RCAN1: variants seen among roughly 807,000 people sequenced by gnomAD.
RCAN1 encodes the protein regulator of calcineurin 1, also known as calcipressin-1.
RCAN1 carries 11 observed loss-of-function variants against 22.9 expected under a neutral mutation model. The observed-to-expected ratio is 0.48, with a 90% CI of 0.30 to 0.79. The LOEUF (loss-of-function observed/expected upper bound fraction) is 0.79. Among genes scored for constraint, RCAN1 ranks in the 30% least tolerant of loss-of-function variants. The pLI is 0.06. For missense variants in RCAN1, 291 were observed against 337.8 expected, an observed-to-expected ratio of 0.86 and a Z score of 1.09; for synonymous variants, 136 against 142.3, an observed-to-expected ratio of 0.96 and a Z score of 0.32.
intron 1 of RCAN1, among the ~76,000 whole-genome samples, chr21:34,609,870 A>T (rs8130856): frequency 0.11 from 17,348 of 152,204 alleles, 1,294 homozygotes; most frequent in East Asian, 0.29. Flanking sequence ...AAATAGTGGA[A>T]AACTGAAAAT....
In RCAN1 at chr21:34,518,342, T is replaced by G; in HGVS notation, c.587-86A>C. ...CATAAAAGAGCATTCAGGGCTCTGC[T>G]GGGCCAGCTGCTCGTGACCATTCGA... On this transcript the variant is annotated intron_variant, in intron 3 of 3. Transcript: ENST00000313806. This position sits in a 1 kb window ranked among gnomAD's most constrained non-coding sequence, Gnocchi z 4.2. 7.1e-7 allele frequency: 1 copy of G among 1,416,920 alleles called. No homozygotes were observed. The highest frequency in any genetic ancestry group is 9.6e-7 in the Non-Finnish European group (1 of 1,041,222). 87.8% of individuals were successfully genotyped at this position (1,416,920 alleles called of 1,614,324 possible).
chr21:34,610,489 C>T (rs1411150186), intron 1 of RCAN1, among the ~76,000 whole-genome samples: 1 of 152,156 alleles, frequency 6.6e-6, no homozygotes, highest in South Asian at 2.1e-4. Flanking sequence ...GGGCCTGGCT[C>T]CCGGTTCAGG....
Position 34,615,108 on chromosome 21 carries a change from G to T in RCAN1, c.-97C>A. The T allele has an allele frequency of 1.0e-6, 1 of 968,402 alleles. No individual in the cohort carries two copies. Among genetic ancestry groups the T allele is most frequent in the Non-Finnish European group, 1.2e-6 (1 of 812,634 alleles). The allele number at this position is 968,402 out of a possible 1,614,324, so 60.0% of individuals were successfully genotyped here. A position where few individuals can be genotyped will look rare whatever the true frequency, so the allele number is the denominator to read the frequency against. On this transcript the variant is annotated 5_prime_UTR_variant, in exon 1 of 4. Coordinates refer to ENST00000313806, the MANE Select transcript of RCAN1 (RefSeq NM_004414.7). ...CGGTCCGCGCCCGGCCGGCGGCTCCGCCGTTAACCCCCTCGGAATCGCGCG... is the reference window on the plus strand; with the variant it reads ...CGGTCCGCGCCCGGCCGGCGGCTCCTCCGTTAACCCCCTCGGAATCGCGCG...
At chr21:34,539,423 T>C (rs1461497725) in intron 1 of RCAN1, among the ~76,000 whole-genome samples, 2 of 152,250 alleles carry the variant, frequency 1.3e-5, no homozygotes, top group East Asian at 1.9e-4. Flanking sequence ...ATGTTTATTG[T>C]TCTCATTTTG....
At chr21:34,603,771 G>A (rs560585772) in intron 1 of RCAN1, among the ~76,000 whole-genome samples, 2 of 152,332 alleles carry the variant, frequency 1.3e-5, no homozygotes, top group Non-Finnish European at 2.9e-5. Context: ...TCAAAGAGAT[G>A]ATGTACCTAA....
In RCAN1 at chr21:34,595,334, A is replaced by G. The variant is rs1009486380; in HGVS notation, c.252+19426T>C. Among the ~76,000 whole-genome samples, 15 of 152,322 alleles carry G rather than the reference A, an allele frequency of 9.8e-5. No individual in the cohort carries two copies. The East Asian group carries it at 1.5e-3, about 16-fold the overall frequency. ...AAAAGAGGGTCATCAAAAAAGGAGG[A>G]AAAATCCCTTAGCTCTTAAGCCCTA... On this transcript the variant is annotated intron_variant, in intron 1 of 3. Transcript: ENST00000313806.
intron 1 of RCAN1, among the ~76,000 whole-genome samples, chr21:34,531,949 G>A (rs1416119444): frequency 6.6e-6 from 1 of 152,126 alleles, no homozygotes; most frequent in East Asian, 1.9e-4. Context: ...AGCCCGACAA[G>A]GCAGACTTTA....
Position 34,516,456 on chromosome 21 carries a change from A to C in RCAN1, c.*1628T>G, listed in dbSNP as rs1208683964. 13 of 152,242 alleles carry C rather than the reference A, an allele frequency of 8.5e-5. No homozygotes were observed. The highest frequency in any genetic ancestry group is 8.5e-4 in the Admixed American group (13 of 15,282). The allele number at this position is 152,242 out of a possible 1,614,324, so 9.4% of individuals were successfully genotyped here. A position where few individuals can be genotyped will look rare whatever the true frequency, so the allele number is the denominator to read the frequency against. ...AAACTGCAGAATTTAGAAGGTTCAC[A>C]GATTTATTCTAGAAATAAAATGACA... On this transcript the variant is annotated 3_prime_UTR_variant, in exon 4 of 4. Coordinates refer to ENST00000313806, the MANE Select transcript of RCAN1 (RefSeq NM_004414.7).
intron 1 of RCAN1, chr21:34,613,700 T>C (rs1988739286): frequency 1.2e-5 from 17 of 1,400,734 alleles, no homozygotes; most frequent in Non-Finnish European, 1.6e-5. Flanking sequence ...CTAGAAAGCA[T>C]GCCTGGAAGC....
chr21:34,573,125 T>C (rs1601188813), intron 1 of RCAN1, among the ~76,000 whole-genome samples: 1 of 152,240 alleles, frequency 6.6e-6, no homozygotes, highest in East Asian at 1.9e-4. Context: ...TTGGGTGAAA[T>C]GTTGGTTTTA....
intron 1 of RCAN1, among the ~76,000 whole-genome samples, chr21:34,610,529 T>C (rs1274372496): frequency 6.6e-6 from 1 of 152,226 alleles, no homozygotes; most frequent in Non-Finnish European, 1.5e-5. Context: ...GTAAGTCATC[T>C]AGCTAGAAGT....
chr21:34,547,784 C>T (rs1167758742), intron 1 of RCAN1, among the ~76,000 whole-genome samples: 1 of 152,190 alleles, frequency 6.6e-6, no homozygotes, highest in Non-Finnish European at 1.5e-5. Context: ...TTCTGCCATG[C>T]GATGACCCTC....
intron 1 of RCAN1, among the ~76,000 whole-genome samples, chr21:34,534,459 A>G (rs939559493): frequency 2.6e-5 from 4 of 152,068 alleles, no homozygotes; most frequent in Non-Finnish European, 5.9e-5. Context: ...TCATGTTGGG[A>G]CTTGGCAATC....
chr21:34,569,254 A>G (rs1206682555), intron 1 of RCAN1, among the ~76,000 whole-genome samples: 2 of 152,206 alleles, frequency 1.3e-5, no homozygotes, highest in Non-Finnish European at 2.9e-5. Flanking sequence ...AGAATACAGT[A>G]TTGTCTCTGT....
intron 1 of RCAN1, among the ~76,000 whole-genome samples, chr21:34,580,783 T>C (rs1987577790): frequency 1.3e-5 from 2 of 152,250 alleles, no homozygotes; most frequent in Non-Finnish European, 2.9e-5. Context: ...AGTGTCTGGC[T>C]GGTGCTTGCA....
At chr21:34,536,555 G>A (rs1025780676) in intron 1 of RCAN1, among the ~76,000 whole-genome samples, 2 of 152,094 alleles carry the variant, frequency 1.3e-5, no homozygotes, top group Admixed American at 1.3e-4. Context: ...TACTTTCCAG[G>A]GTTAATGCTG....
At chr21:34,590,730 G>T (rs905651351) in intron 1 of RCAN1, among the ~76,000 whole-genome samples, 1 of 152,230 alleles carries the variant, frequency 6.6e-6, no homozygotes, top group Admixed American at 6.5e-5. Flanking sequence ...ATCCTTGATG[G>T]CCCCTGAGTG....
Position 34,517,916 on chromosome 21 carries a change from A to G in RCAN1, c.*168T>C. 1.3e-6 allele frequency: 1 copy of G among 761,044 alleles called. No individual in the cohort carries two copies. Among genetic ancestry groups the G allele is most frequent in the Non-Finnish European group, 2.1e-6 (1 of 470,928 alleles). 47.1% of individuals were successfully genotyped at this position (761,044 alleles called of 1,614,324 possible). A position where few individuals can be genotyped will look rare whatever the true frequency, so the allele number is the denominator to read the frequency against. ...CCATGAACAGTAACTGGTGTGCAGC[A>G]TTAGAACAAGGGGACACGGCCTTGA... On this transcript the variant is annotated 3_prime_UTR_variant, in exon 4 of 4. Transcript: ENST00000313806.
chr21:34,586,337 TGA>T (rs1987795695), intron 1 of RCAN1, among the ~76,000 whole-genome samples: 1 of 152,090 alleles, frequency 6.6e-6, no homozygotes, highest in Non-Finnish European at 1.5e-5. Context: ...GTCAAAGGAC[TGA>T]GAGTGTTTTC....
Sources: allele counts gnomAD v4.1 joint callset (sites outside exome capture counted in the v4.1 genomes callset), GRCh38; gene constraint gnomAD v4.1.1; non-coding constraint Gnocchi (gnomAD v3.1); transcripts MANE v1.5; gene names NCBI Gene and HGNC (gene_info 2026-07-23, HGNC 2026-07-21).